Variants in BDNF observed in about 807,000 individuals in gnomAD.
The protein encoded by BDNF is neurotrophic factor BDNF precursor form.
A neutral mutation model predicts 19.5 loss-of-function variants in BDNF; 1 was observed. The ratio of observed to expected loss-of-function variants is 0.05; its 90% CI spans 0.02 to 0.24. The LOEUF is 0.24. Among genes scored for constraint, BDNF ranks in the 10% least tolerant of loss-of-function variants. The probability of loss-of-function intolerance (pLI) is 1.00; values close to 1 mark genes in which losing one functional copy is unlikely to be tolerated. For synonymous variants in BDNF, 100 were observed against 121.6 expected, an observed-to-expected ratio of 0.82 and a Z score of 1.17; for missense variants, 195 against 317.6, an observed-to-expected ratio of 0.61 and a Z score of 2.93.
chr11:27,693,631 G>A (rs1355481381), intron 1 of BDNF, among the ~76,000 whole-genome samples: 1 of 152,134 alleles, frequency 6.6e-6, no homozygotes, highest in Non-Finnish European at 1.5e-5. Flanking sequence ...CTGGGACTCC[G>A]CCAAGCATCT....
chr11:27,706,573 T>C (rs935276705), intron 1 of BDNF, among the ~76,000 whole-genome samples: 3 of 152,188 alleles, frequency 2.0e-5, no homozygotes, highest in African/African-American at 7.2e-5. Context: ...AGATCAGATC[T>C]CACAACCTTT....
intron 1 of BDNF, among the ~76,000 whole-genome samples, chr11:27,711,340 T>G (rs1396085881): frequency 6.6e-6 from 1 of 152,232 alleles, no homozygotes; most frequent in African/African-American, 2.4e-5. Context: ...TAATACTGTT[T>G]CCATTTTATG....
At chr11:27,677,019 G>T (rs1856215578) in intron 1 of BDNF, 3 of 152,244 alleles carry the variant, frequency 2.0e-5, no homozygotes, top group Admixed American at 2.0e-4. Flanking sequence ...CATTCCGTGT[G>T]TGTCACTAGA....
chr11:27,662,817 CCAGGGACTGGT>C (rs1853681418), intron 1 of BDNF, among the ~76,000 whole-genome samples: 1 of 152,198 alleles, frequency 6.6e-6, no homozygotes, highest in Non-Finnish European at 1.5e-5. Context: ...TCCTAACAGG[CCAGGGACTGGT>C]AACAATCCAT....
intron 1 of BDNF, among the ~76,000 whole-genome samples, chr11:27,668,001 T>A (rs554925319): frequency 1.3e-5 from 2 of 152,238 alleles, no homozygotes; most frequent in South Asian, 4.1e-4. Context: ...TTCCAAAAAT[T>A]GACTACATAG....
At chr11:27,701,127 C>A (rs1859874228), upstream of BDNF, 2 of 1,274,690 alleles carry the variant, frequency 1.6e-6, no homozygotes. Context: ...AATAGGAATT[C>A]AATCAAGATA....
In BDNF at chr11:27,658,253, A is replaced by C. The variant is rs1227219929; in HGVS notation, c.312T>G (p.Pro104=). The change falls in exon 2 of 2, where the codon CCT becomes CCG. Residue 104 remains proline (P), a synonymous_variant. Coordinates refer to ENST00000356660, the MANE Select transcript of BDNF (RefSeq NM_001709.5). This position sits in a 1 kb window ranked among gnomAD's most constrained non-coding sequence, Gnocchi z 5.7. ...ATTCCTCCAGCAGAAAGAGAAGAGG[A>C]GGCTCCAAAGGCACTTGACTACTGA... ...VMLSSQVPLE[P]PLLFLLEEYK... is the part of the protein sequence containing the mutation. 2 of 1,613,948 alleles carry C rather than the reference A, an allele frequency of 1.2e-6. No homozygotes were observed. Among genetic ancestry groups the C allele is most frequent in the East Asian group, 2.2e-5 (1 of 44,866 alleles).
rs1247238073 is a variant in BDNF at position 27,700,370 on chromosome 11, G to A, written c.-228C>T. The A allele has an allele frequency of 5.1e-6, 5 of 985,500 alleles. No individual in the cohort carries two copies. The highest frequency in any genetic ancestry group is 6.0e-6 in the Non-Finnish European group (5 of 829,950). 61.0% of individuals were successfully genotyped at this position (985,500 alleles called of 1,614,324 possible). A position where few individuals can be genotyped will look rare whatever the true frequency, so the allele number is the denominator to read the frequency against. ...CCTCTGTCCGGCCCGGGAGCCCGAG[G>A]CGCTACGGGGTGCGCGGGACAGCGA... On this transcript the variant is annotated 5_prime_UTR_variant, in exon 1 of 2. Coordinates refer to ENST00000356660, the MANE Select transcript of BDNF (RefSeq NM_001709.5).
chr11:27,682,971 GAGGAATC>G (rs1480400233), intron 1 of BDNF, among the ~76,000 whole-genome samples: 1 of 152,132 alleles, frequency 6.6e-6, no homozygotes, highest in Non-Finnish European at 1.5e-5. Context: ...CTAGATCCTT[GAGGAATC>G]ACCACACTGT....
upstream of BDNF, among the ~76,000 whole-genome samples, chr11:27,703,790 TC>T (rs989826488): frequency 2.1e-4 from 32 of 152,320 alleles, no homozygotes; most frequent in African/African-American, 7.7e-4. Flanking sequence ...GAATCACACC[TC>T]TTAACACTTG....
At chr11:27,717,001 C>A (rs936051603) in intron 1 of BDNF, among the ~76,000 whole-genome samples, 4 of 152,172 alleles carry the variant, frequency 2.6e-5, no homozygotes, top group African/African-American at 7.2e-5. Context: ...CTTGCCTTCT[C>A]TCTCGCTCAC....
At chr11:27,663,204 T>A (rs1461685731) in intron 1 of BDNF, among the ~76,000 whole-genome samples, 2 of 152,236 alleles carry the variant, frequency 1.3e-5, no homozygotes, top group Non-Finnish European at 2.9e-5. Flanking sequence ...GATGACTCTT[T>A]ATCACACATA....
At chr11:27,664,727 G>A (rs1256074879) in intron 1 of BDNF, among the ~76,000 whole-genome samples, 1 of 152,188 alleles carries the variant, frequency 6.6e-6, no homozygotes, top group African/African-American at 2.4e-5. Flanking sequence ...AGGCTACAGT[G>A]AGCGATTGAT....
chr11:27,680,915 A>C (rs1856760753), intron 1 of BDNF, among the ~76,000 whole-genome samples: 1 of 152,182 alleles, frequency 6.6e-6, no homozygotes, highest in Non-Finnish European at 1.5e-5. Context: ...AAGAATCAAA[A>C]TACAGGGTCA....
intron 1 of BDNF, among the ~76,000 whole-genome samples, chr11:27,719,218 C>T (rs1428882818): frequency 6.6e-6 from 1 of 152,212 alleles, no homozygotes; most frequent in Non-Finnish European, 1.5e-5. Flanking sequence ...CCCCTCACCT[C>T]CACCCACCGC....
At chr11:27,679,586 CAG>C (rs1464306249) in intron 1 of BDNF, among the ~76,000 whole-genome samples, 1 of 152,120 alleles carries the variant, frequency 6.6e-6, no homozygotes, top group Non-Finnish European at 1.5e-5. Flanking sequence ...ACATGAAAAC[CAG>C]AGACCCAAGG....
chr11:27,686,810 C>T (rs1040915491), intron 1 of BDNF, among the ~76,000 whole-genome samples: 1 of 152,112 alleles, frequency 6.6e-6, no homozygotes, highest in African/African-American at 2.4e-5. Context: ...TTGGGTAACC[C>T]GACCTTTCTC....
chr11:27,720,576 G>A (rs1198052635), intron 1 of BDNF: 9 of 985,556 alleles, frequency 9.1e-6, no homozygotes, highest in Admixed American at 6.2e-5. Context: ...AGTGTGAGCC[G>A]AACCTCAGAA....
rs747058681 is a variant in BDNF at position 27,658,100 on chromosome 11, A to G, written c.465T>C (p.Thr155=). 1.5e-5 allele frequency: 25 copies of G among 1,614,018 alleles called. No individual in the cohort carries two copies. In the Admixed American group the frequency reaches 4.2e-4, roughly 27 times the overall value. Reference sequence around the variant, plus strand: ...CCGTCCCGCCCGACATGTCCACTGCAGTCTTTTTGTCTGCCGCCGTTACCC... The same window carrying G: ...CCGTCCCGCCCGACATGTCCACTGCGGTCTTTTTGTCTGCCGCCGTTACCC... The part of the protein sequence containing the change: ...SEWVTAADKK[T]AVDMSGGTVT... The change falls in exon 2 of 2, where the codon ACT becomes ACC. Residue 155 remains threonine, a synonymous_variant. Coordinates refer to ENST00000356660, the MANE Select transcript of BDNF (RefSeq NM_001709.5). The surrounding 1 kb of genome is among the most constrained non-coding windows in gnomAD (Gnocchi z 5.7).
Sources: allele counts gnomAD v4.1 joint callset (sites outside exome capture counted in the v4.1 genomes callset), GRCh38; gene constraint gnomAD v4.1.1; non-coding constraint Gnocchi (gnomAD v3.1); transcripts MANE v1.5; gene names NCBI Gene and HGNC (gene_info 2026-07-23, HGNC 2026-07-21).